Variants in KCNIP1 observed in about 807,000 individuals in gnomAD.
KCNIP1 encodes the protein potassium voltage-gated channel interacting protein 1.
Under a neutral mutation model 33.0 loss-of-function variants are expected in KCNIP1, and 18 were observed. The ratio of observed to expected loss-of-function variants is 0.55; its 90% CI spans 0.38 to 0.81. KCNIP1 has a LOEUF of 0.81. Among genes scored for constraint, KCNIP1 ranks in the 30% least tolerant of loss-of-function variants. KCNIP1 has a pLI of 0.00. For synonymous variants in KCNIP1, 93 were observed against 98.3 expected (o/e 0.95, Z 0.32); for missense variants, 238 against 271.6 (o/e 0.88, Z 0.87).
At chr5:170,611,172 C>G (rs1286648856) in intron 1 of KCNIP1, among the ~76,000 whole-genome samples, 2 of 152,132 alleles carry the variant, frequency 1.3e-5, no homozygotes, top group African/African-American at 2.4e-5. Context: ...GATTTTTTAG[C>G]CCCAGCTGGG....
chr5:170,635,504 G>T (rs921494436), intron 1 of KCNIP1, among the ~76,000 whole-genome samples: 1 of 152,140 alleles, frequency 6.6e-6, no homozygotes, highest in Non-Finnish European at 1.5e-5. Context: ...TGTGCATGTT[G>T]CTGTTTATTT....
intron 1 of KCNIP1, among the ~76,000 whole-genome samples, chr5:170,373,617 C>T (rs1318435924): frequency 1.3e-5 from 2 of 152,090 alleles, no homozygotes; most frequent in East Asian, 1.9e-4. Flanking sequence ...AACAATTATG[C>T]GTGGCAAAAA....
At chr5:170,592,691 G>A (rs1344117483) in intron 1 of KCNIP1, among the ~76,000 whole-genome samples, 1 of 152,184 alleles carries the variant, frequency 6.6e-6, no homozygotes, top group Admixed American at 6.5e-5. Context: ...AAAGTCCCCA[G>A]GTGACTTGAT....
intron 1 of KCNIP1, among the ~76,000 whole-genome samples, chr5:170,538,208 T>A (rs1326251377): frequency 6.6e-6 from 1 of 152,184 alleles, no homozygotes; most frequent in Non-Finnish European, 1.5e-5. Flanking sequence ...TGAGTACACG[T>A]GCTTGAACTT....
chr5:170,635,106 C>T (rs970081733), intron 1 of KCNIP1, among the ~76,000 whole-genome samples: 30 of 152,304 alleles, frequency 2.0e-4, no homozygotes, highest in African/African-American at 7.0e-4. Context: ...CTCCACTCAC[C>T]GCAATCTCCG....
At chr5:170,663,363 C>CTGG (rs1490616744) in intron 1 of KCNIP1, among the ~76,000 whole-genome samples, 1 of 152,166 alleles carries the variant, frequency 6.6e-6, no homozygotes, top group Non-Finnish European at 1.5e-5. Context: ...CGTGCTGAAG[C>CTGG]TGGTGCATGC....
rs1754654098 is a variant in KCNIP1 at position 170,504,913 on chromosome 5, C to T, written c.61+280C>T. Among the ~76,000 whole-genome samples, 1 of 152,182 alleles carries T rather than the reference C, an allele frequency of 6.6e-6. No homozygotes were observed. ...GGAAATCTCTGAGAGCCGAAGGAAG[C>T]GGCATGTTCACAGGTGGGGGTGACC... On this transcript the variant is annotated intron_variant, in intron 1 of 7. Transcript: ENST00000328939. This position sits in a 1 kb window ranked among gnomAD's most constrained non-coding sequence, Gnocchi z 6.0.
intron 1 of KCNIP1, among the ~76,000 whole-genome samples, chr5:170,457,534 C>A (rs1756412118): frequency 6.6e-6 from 1 of 152,172 alleles, no homozygotes; most frequent in African/African-American, 2.4e-5. Context: ...TACAGACAAC[C>A]CCCAGTACCA....
chr5:170,414,159 G>A (rs941571003), intron 1 of KCNIP1, among the ~76,000 whole-genome samples: 1 of 152,140 alleles, frequency 6.6e-6, no homozygotes, highest in South Asian at 2.1e-4. Flanking sequence ...CTCAGGCAAG[G>A]GAGAAGAAAC....
chr5:170,593,681 A>G (rs1032059453), intron 1 of KCNIP1, among the ~76,000 whole-genome samples: 4 of 152,152 alleles, frequency 2.6e-5, no homozygotes, highest in African/African-American at 9.7e-5. Flanking sequence ...ACCCTCCCAC[A>G]ATCCCTCATT....
At chr5:170,460,458 G>A (rs1342521985) in intron 1 of KCNIP1, among the ~76,000 whole-genome samples, 3 of 152,058 alleles carry the variant, frequency 2.0e-5, no homozygotes, top group Admixed American at 6.5e-5. Flanking sequence ...CTAGCTAACC[G>A]AATCCAACAA....
At chr5:170,453,364 G>T (rs1935807588) in intron 1 of KCNIP1, among the ~76,000 whole-genome samples, 1 of 152,176 alleles carries the variant, frequency 6.6e-6, no homozygotes, top group Admixed American at 6.5e-5. Context: ...GCTGAAGGAT[G>T]GGGAAAGGCA....
chr5:170,456,040 C>T (rs930654729), intron 1 of KCNIP1, among the ~76,000 whole-genome samples: 2 of 152,158 alleles, frequency 1.3e-5, no homozygotes, highest in Non-Finnish European at 2.9e-5. Context: ...TTTCCAATGG[C>T]AAAGACTTGG....
rs182727375 is a variant in KCNIP1, at chr5:170,497,812, G to A, written c.88+143848G>A. ...ACTCCTTGCAGGATCTGGGTAACTG[G>A]GAGGGCTTTACCGCCAGTGTCCCAG... On this transcript the variant is annotated intron_variant, in intron 1 of 7. Coordinates refer to the KCNIP1 transcript ENST00000377360. Among the ~76,000 whole-genome samples, 6 of 152,314 alleles carry A rather than the reference G, an allele frequency of 3.9e-5. No individual in the cohort carries two copies. In the East Asian group the frequency reaches 9.7e-4, roughly 25 times the overall value.
chr5:170,594,198 G>A (rs141598004), intron 1 of KCNIP1, among the ~76,000 whole-genome samples: 28 of 152,268 alleles, frequency 1.8e-4, no homozygotes, highest in Admixed American at 4.6e-4. Context: ...TAGGAGTTCC[G>A]TGACTATTCC....
chr5:170,450,979 G>A (rs752022271), intron 1 of KCNIP1, among the ~76,000 whole-genome samples: 2 of 151,986 alleles, frequency 1.3e-5, no homozygotes, highest in Admixed American at 6.6e-5. Context: ...TGCGATTACC[G>A]AGAGCATGGA....
In KCNIP1 at chr5:170,425,450, C is replaced by T. The variant is rs576476263; in HGVS notation, c.88+71486C>T. On this transcript the variant is annotated intron_variant, in intron 1 of 7. Transcript: ENST00000377360. ...GCCTGGCCATGCAGGTGATGGCAGT[C>T]ATGGGGGGAGGCAGAGAGCTGCTGG... 7.9e-5 allele frequency among the ~76,000 whole-genome samples: 12 copies of T among 152,286 alleles called. No homozygotes were observed. In the East Asian group the frequency reaches 2.1e-3, roughly 27 times the overall value.
intron 1 of KCNIP1, among the ~76,000 whole-genome samples, chr5:170,617,611 C>T (rs1309570068): frequency 6.6e-6 from 1 of 152,182 alleles, no homozygotes; most frequent in Non-Finnish European, 1.5e-5. Flanking sequence ...AAAAGATCTC[C>T]TGCAATGGGG....
intron 1 of KCNIP1, among the ~76,000 whole-genome samples, chr5:170,455,231 T>C (rs1401125642): frequency 6.6e-6 from 1 of 152,134 alleles, no homozygotes; most frequent in Non-Finnish European, 1.5e-5. Context: ...CTAATGGATA[T>C]CTATAGAATA....
Sources: allele counts gnomAD v4.1 joint callset (sites outside exome capture counted in the v4.1 genomes callset), GRCh38; gene constraint gnomAD v4.1.1; non-coding constraint Gnocchi (gnomAD v3.1); transcripts MANE v1.5; gene names NCBI Gene and HGNC (gene_info 2026-07-23, HGNC 2026-07-21).